The following DDB1 variants were observed in gnomAD, a reference collection of about 807,000 sequenced individuals.
DDB1 encodes the protein damage specific DNA binding protein 1, also known as DNA damage-binding protein 1.
DDB1 carries 18 observed loss-of-function variants against 133.1 expected under a neutral mutation model. The observed-to-expected ratio is 0.14, with a 90% CI of 0.09 to 0.20. The LOEUF is 0.20. Ranked by LOEUF, DDB1 falls within the 10% of genes least tolerant of loss-of-function variation. The pLI is 1.00. For synonymous variants in DDB1, 580 were observed against 550.5 expected (o/e 1.05, Z -0.75); for missense variants, 828 against 1,459.2 (o/e 0.57, Z 7.05).
chr11:61,318,492 T>C (rs1439844263), intron 10 of DDB1, among the ~76,000 whole-genome samples: 5 of 152,190 alleles, frequency 3.3e-5, no homozygotes, highest in Admixed American at 3.3e-4. Flanking sequence ...TACTGCTGTT[T>C]GGTGTTAATG....
Position 61,302,624 on chromosome 11 carries a change from T to G in DDB1, c.3070A>C (p.Thr1024Pro). The G allele has an allele frequency of 5.0e-6, 8 of 1,614,174 alleles. No homozygotes were observed. Among genetic ancestry groups the G allele is most frequent in the Non-Finnish European group, 6.8e-6 (8 of 1,180,028 alleles). Residue 1024 changes from threonine to proline, a missense_variant, in exon 24 of 27, where the codon ACA (threonine) becomes CCA (proline). By Grantham distance (38) the Thr-to-Pro change is conservative. Coordinates refer to ENST00000301764, the MANE Select transcript of DDB1 (RefSeq NM_001923.5). ...GTGCCGAAGAGCACCGAGCCTTGTG[T>G]GGGGGTGGAAGTCTCACCCAGATTC... ...MQNLGETSTP[T>P]QGSVLFGTVN...
At chr11:61,306,581 C>A (rs903190256) in intron 21 of DDB1, among the ~76,000 whole-genome samples, 3 of 152,174 alleles carry the variant, frequency 2.0e-5, no homozygotes, top group African/African-American at 7.2e-5. Flanking sequence ...CCCCTTCTTT[C>A]CCACTTACTT....
At chr11:61,313,471 C>G in intron 16 of DDB1, 28 bp downstream of exon 16, 1 of 1,598,424 alleles carries the variant, frequency 6.3e-7, no homozygotes, top group Non-Finnish European at 8.6e-7. Context: ...ATCAATAGCT[C>G]TCATTAAATA....
rs796293001 is a variant in DDB1 at position 61,302,962 on chromosome 11, GAC to G, written c.2942+82_2942+83del. The G allele has an allele frequency of 2.6e-5, 36 of 1,380,934 alleles. No homozygotes were observed. In the African/African-American group the frequency reaches 4.7e-4, roughly 18 times the overall value. The allele number at this position is 1,380,934 out of a possible 1,614,324, so 85.5% of individuals were successfully genotyped here. A position where few individuals can be genotyped will look rare whatever the true frequency, so the allele number is the denominator to read the frequency against. On this transcript the variant is annotated intron_variant, in intron 23 of 26. Coordinates refer to ENST00000301764, the MANE Select transcript of DDB1 (RefSeq NM_001923.5). ...TCTGTAAACAGGAGCACCTGAACCTGACACAGAACCCAATGCTTGCATCCACC... is the reference window on the plus strand; with the variant it reads ...TCTGTAAACAGGAGCACCTGAACCTGACAGAACCCAATGCTTGCATCCACC...
At chr11:61,310,541 G>A (rs1855947546) in intron 18 of DDB1, 123 bp from the exon 19 acceptor site, 2 of 1,137,472 alleles carry the variant, frequency 1.8e-6, no homozygotes, top group Non-Finnish European at 1.2e-6. Flanking sequence ...TCTGATGGCT[G>A]GCAGCTCAAG....
At chr11:61,325,517 G>T in intron 6 of DDB1, 94 bp downstream of exon 6, 1 of 1,037,102 alleles carries the variant, frequency 9.6e-7, no homozygotes, top group Non-Finnish European at 1.4e-6. Flanking sequence ...ACAGGCATCT[G>T]TGAATCTCCT....
At chr11:61,316,248 A>G (rs1215818505) in intron 12 of DDB1, 37 bp downstream of exon 12, 1 of 1,578,664 alleles carries the variant, frequency 6.3e-7, no homozygotes, top group Admixed American at 1.7e-5. Flanking sequence ...GGTCAATTCA[A>G]GTATATGGTA....
intron 20 of DDB1, 90 bp downstream of exon 20, chr11:61,309,706 C>G (rs1855931655): frequency 7.0e-7 from 1 of 1,422,272 alleles, no homozygotes; most frequent in Non-Finnish European, 9.6e-7. Flanking sequence ...TCTTCTACTG[C>G]TTAACTGAGG....
At chr11:61,314,237 A>T (rs1228254262) in intron 13 of DDB1, 27 bp from the exon 14 acceptor site, 1 of 1,590,078 alleles carries the variant, frequency 6.3e-7, no homozygotes, top group Non-Finnish European at 8.6e-7. Flanking sequence ...ATGGCAGAGG[A>T]AGGAATCCAA....
rs201237741 is a variant in DDB1, at chr11:61,304,046, C to A, written c.2662-11G>T. 4.4e-4 allele frequency: 703 copies of A among 1,613,360 alleles called. 3 individuals carry two copies. Among genetic ancestry groups the A allele is most frequent in the Admixed American group, 1.1e-3 (64 of 59,996 alleles). The stretch of plus-strand genomic sequence containing the variant: ...CTCATAGAGCCGCACCTGGGAAGGG[C>A]ATTGTCTCTCTCAGCCAAAGGGGCC... On this transcript the variant is annotated splice_polypyrimidine_tract_variant and intron_variant, in intron 21 of 26. Coordinates refer to ENST00000301764, the MANE Select transcript of DDB1 (RefSeq NM_001923.5).
intron 21 of DDB1, among the ~76,000 whole-genome samples, chr11:61,306,396 CCA>C (rs778852026): frequency 1.2e-4 from 18 of 152,252 alleles, no homozygotes; most frequent in South Asian, 8.3e-4. Flanking sequence ...CCCTGAAACA[CCA>C]CAGTTTTAAG....
intron 3 of DDB1, 89 bp from the exon 4 acceptor site, chr11:61,329,673 G>A: frequency 5.5e-6 from 7 of 1,274,146 alleles, no homozygotes; most frequent in Non-Finnish European, 7.6e-6. Context: ...AAAAATTTTA[G>A]GAGAGGTATT....
At chr11:61,330,447 A>T (rs1856348499) in intron 2 of DDB1, among the ~76,000 whole-genome samples, 1 of 152,220 alleles carries the variant, frequency 6.6e-6, no homozygotes, top group Non-Finnish European at 1.5e-5. Context: ...AAAATGTGGG[A>T]ATAACAACGG....
intron 9 of DDB1, 49 bp downstream of exon 9, chr11:61,322,247 C>A: frequency 2.1e-6 from 3 of 1,424,860 alleles, no homozygotes; most frequent in Non-Finnish European, 3.0e-6. Context: ...TAGGAGGACA[C>A]AGTTTGAGTG....
intron 10 of DDB1, among the ~76,000 whole-genome samples, chr11:61,316,992 T>G (rs1856095398): frequency 6.1e-5 from 5 of 82,644 alleles, no homozygotes; most frequent in Non-Finnish European, 1.1e-4. Context: ...TATATATATA[T>G]ATATATAGAC....
At chr11:61,323,941 A>G in intron 7 of DDB1, 38 bp downstream of exon 7, 1 of 1,612,240 alleles carries the variant, frequency 6.2e-7, no homozygotes, top group Non-Finnish European at 8.5e-7. Context: ...TAGGAACCTA[A>G]AAGAACATTG....
At chr11:61,329,230 TG>T in intron 4 of DDB1, 132 bp downstream of exon 4, 2 of 826,402 alleles carry the variant, frequency 2.4e-6, no homozygotes, top group Non-Finnish European at 4.0e-6. Flanking sequence ...TTAATTGTGT[TG>T]TTCAAAACAT....
intron 22 of DDB1, chr11:61,303,366 G>T: frequency 2.0e-6 from 1 of 507,114 alleles, no homozygotes; most frequent in South Asian, 2.1e-5. Context: ...ATGGAGCCTA[G>T]TCAGAGTTTG....
At chr11:61,332,811 A>T (rs982185541) in intron 1 of DDB1, 97 bp downstream of exon 1, 1 of 1,125,560 alleles carries the variant, frequency 8.9e-7, no homozygotes, top group Non-Finnish European at 1.2e-6. Flanking sequence ...CGCCGGGCCC[A>T]CTCCTGCCCG....
Sources: gnomAD v4.1 joint callset for allele counts (sites outside exome capture counted in the v4.1 genomes callset) on GRCh38, gnomAD v4.1.1 for gene constraint, MANE v1.5 for transcripts, NCBI Gene and HGNC (gene_info 2026-07-23, HGNC 2026-07-21) for gene names.